SAMSN1: variants seen among roughly 807,000 people sequenced by gnomAD.
SAMSN1 encodes SAM domain-containing protein SAMSN-1.
A neutral mutation model predicts 42.0 loss-of-function variants in SAMSN1; 31 were observed. The ratio of observed to expected loss-of-function variants is 0.74; its 90% CI spans 0.55 to 1.00. The LOEUF is 1.00. Ranked by LOEUF, SAMSN1 falls within the 50% of genes least tolerant of loss-of-function variation. SAMSN1 has a pLI of 0.00. For missense variants in SAMSN1, 464 were observed against 439.4 expected (o/e 1.06, Z -0.50); for synonymous variants, 178 against 151.9 (o/e 1.17, Z -1.26).
chr21:14,506,875 T>C (rs1198572609), intron 5 of SAMSN1, among the ~76,000 whole-genome samples: 4 of 152,240 alleles, frequency 2.6e-5, no homozygotes, highest in Non-Finnish European at 5.9e-5. Context: ...CCAGGGATGC[T>C]GGGAGGGTTT....
chr21:14,497,426 C>G, intron 7 of SAMSN1, among the ~76,000 whole-genome samples: 1 of 152,106 alleles, frequency 6.6e-6, no homozygotes, highest in East Asian at 1.9e-4. Flanking sequence ...GAAACCCCAT[C>G]TCTACTAAAA....
intron 7 of SAMSN1, among the ~76,000 whole-genome samples, chr21:14,487,683 T>C (rs1452974054): frequency 6.6e-6 from 1 of 152,154 alleles, no homozygotes; most frequent in African/African-American, 2.4e-5. Context: ...GTCATAACAG[T>C]TCTTTTAACC....
intron 2 of SAMSN1, among the ~76,000 whole-genome samples, chr21:14,635,089 C>A (rs1220881231): frequency 6.6e-6 from 1 of 152,092 alleles, no homozygotes; most frequent in Non-Finnish European, 1.5e-5. Context: ...GAACAGAAGA[C>A]CAAACATCAC....
intron 1 of SAMSN1, among the ~76,000 whole-genome samples, chr21:14,648,605 C>T (rs1223768869): frequency 1.3e-5 from 2 of 151,914 alleles, no homozygotes; most frequent in Admixed American, 6.6e-5. Flanking sequence ...AAAAAGTGGG[C>T]AAAGGATATG....
chr21:14,568,791 C>T (rs1052688213), intron 2 of SAMSN1, among the ~76,000 whole-genome samples: 1 of 152,158 alleles, frequency 6.6e-6, no homozygotes, highest in Non-Finnish European at 1.5e-5. Flanking sequence ...AAAAGGGAAT[C>T]TAGTGTCTTA....
At chr21:14,548,934 T>C (rs1196457441), upstream of SAMSN1, among the ~76,000 whole-genome samples, 1 of 152,140 alleles carries the variant, frequency 6.6e-6, no homozygotes, top group East Asian at 1.9e-4. Flanking sequence ...TTGCTTAACA[T>C]GTATTCTGAA....
intron 1 of SAMSN1, among the ~76,000 whole-genome samples, chr21:14,543,726 T>G (rs975030596): frequency 2.0e-5 from 3 of 152,190 alleles, no homozygotes; most frequent in African/African-American, 7.2e-5. Context: ...TTTTCTTCAT[T>G]TTTTATATTG....
intron 5 of SAMSN1, among the ~76,000 whole-genome samples, chr21:14,604,430 G>A (rs1053313892): frequency 2.0e-5 from 3 of 152,142 alleles, no homozygotes; most frequent in South Asian, 2.1e-4. Flanking sequence ...AAGAAGCCTT[G>A]TATAAGCCGG....
chr21:14,602,153 G>A (rs1447132480), intron 5 of SAMSN1: 1 of 488,990 alleles, frequency 2.0e-6, no homozygotes, highest in Non-Finnish European at 3.8e-6. Flanking sequence ...CAGGATTTAG[G>A]AAGTTTCGGT....
At chr21:14,506,459 TC>T (rs1987409947) in intron 5 of SAMSN1, among the ~76,000 whole-genome samples, 1 of 152,072 alleles carries the variant, frequency 6.6e-6, no homozygotes, top group Non-Finnish European at 1.5e-5. Flanking sequence ...ATGGATAAAT[TC>T]CTGGAAAGAT....
At chr21:14,515,709 G>A (rs975502381) in intron 3 of SAMSN1, among the ~76,000 whole-genome samples, 3 of 152,046 alleles carry the variant, frequency 2.0e-5, no homozygotes, top group Admixed American at 6.5e-5. Context: ...ACAATCCACA[G>A]AATTGGAGAA....
chr21:14,510,360 G>A lies in SAMSN1; in HGVS notation c.511C>T (p.His171Tyr). 9 of 1,614,094 alleles carry A rather than the reference G, an allele frequency of 5.6e-6. No homozygotes were observed. The highest frequency in any genetic ancestry group is 7.6e-6 in the Non-Finnish European group (9 of 1,179,960). Residue 171 changes from histidine to tyrosine, a missense_variant, in exon 5 of 8, where the codon CAT becomes TAT. By Grantham distance (83) the His-to-Tyr change is moderately conservative. Transcript: ENST00000400566. ...TAGGGACTTGGCGTGAAATCCGTAT[G>A]CACTCTGGCACGGCCACAGAATGGT... ...SGPFCGRARVHTDFTPSPYDT... is the reference protein window; with the variant it reads ...SGPFCGRARVYTDFTPSPYDT...
chr21:14,518,556 G>A (rs947948718), intron 2 of SAMSN1, among the ~76,000 whole-genome samples: 1 of 152,074 alleles, frequency 6.6e-6, no homozygotes, highest in Non-Finnish European at 1.5e-5. Flanking sequence ...ATTACTGGTA[G>A]GTGGACAGGT....
intron 4 of SAMSN1, among the ~76,000 whole-genome samples, chr21:14,511,820 G>A (rs540401207): frequency 6.6e-6 from 1 of 152,142 alleles, no homozygotes; most frequent in East Asian, 1.9e-4. Context: ...ATCCTTGTTG[G>A]TTACTTTGGA....
intron 1 of SAMSN1, among the ~76,000 whole-genome samples, chr21:14,543,092 C>A (rs1320933948): frequency 6.6e-6 from 1 of 152,196 alleles, no homozygotes; most frequent in Admixed American, 6.5e-5. Flanking sequence ...TATCTGTATA[C>A]AGTAGAGAGT....
chr21:14,572,459 TCTA>T (rs1361801829), intron 2 of SAMSN1, among the ~76,000 whole-genome samples: 4 of 152,138 alleles, frequency 2.6e-5, no homozygotes, highest in Non-Finnish European at 4.4e-5. Flanking sequence ...TATTTATAGA[TCTA>T]CTGCAAAATT....
chr21:14,565,153 G>A (rs377710196), intron 2 of SAMSN1, among the ~76,000 whole-genome samples: 64 of 151,800 alleles, frequency 4.2e-4, no homozygotes, highest in South Asian at 2.1e-3. Context: ...AAAATTAGCC[G>A]GGCATGGTGG....
intron 3 of SAMSN1, among the ~76,000 whole-genome samples, chr21:14,614,785 C>T (rs1219276885): frequency 2.6e-5 from 4 of 152,058 alleles, no homozygotes; most frequent in Non-Finnish European, 4.4e-5. Context: ...TGTATAATAA[C>T]ATGAGACATC....
At chr21:14,569,613 C>T (rs935395765) in intron 2 of SAMSN1, among the ~76,000 whole-genome samples, 1 of 152,098 alleles carries the variant, frequency 6.6e-6, no homozygotes, top group African/African-American at 2.4e-5. Flanking sequence ...TTGTATAAAG[C>T]TTTGAAAGTT....
Sources: allele counts gnomAD v4.1 joint callset (sites outside exome capture counted in the v4.1 genomes callset), GRCh38; gene constraint gnomAD v4.1.1; transcripts MANE v1.5; gene names NCBI Gene and HGNC (gene_info 2026-07-23, HGNC 2026-07-21).